Variants in KRABD5 observed in about 807,000 individuals in gnomAD.
KRABD5 encodes the protein KRAB domain-containing protein 5.
the KRABD5 span, among the ~76,000 whole-genome samples, chr16:31,716,500 C>T: frequency 1.3e-5 from 2 of 152,156 alleles, no homozygotes; most frequent in Admixed American, 6.5e-5. Context: ...TCAGCCTCCC[C>T]AATCACTGGG....
chr16:31,729,430 G>A, the KRABD5 span, among the ~76,000 whole-genome samples: 1 of 152,298 alleles, frequency 6.6e-6, no homozygotes, highest in East Asian at 1.9e-4. Flanking sequence ...GCACGAGGGG[G>A]AGAGAGCTCC....
the KRABD5 span, chr16:31,760,520 A>G: frequency 7.7e-6 from 1 of 130,412 alleles, no homozygotes; most frequent in Non-Finnish European, 1.6e-5. Context: ...GGTGAGACCC[A>G]CTGTTTCAGG....
the KRABD5 span, chr16:31,756,878 C>G: frequency 6.6e-6 from 1 of 152,100 alleles, no homozygotes; most frequent in South Asian, 2.1e-4. Flanking sequence ...GTGTGTGTAC[C>G]TGTCTTCAAA....
the KRABD5 span, among the ~76,000 whole-genome samples, chr16:31,713,771 C>T: frequency 6.6e-6 from 1 of 152,118 alleles, no homozygotes; most frequent in Non-Finnish European, 1.5e-5. Flanking sequence ...GATACTGTGC[C>T]CCGTGGTGTC....
At chr16:31,746,795 T>C in the KRABD5 span, among the ~76,000 whole-genome samples, 103 of 152,278 alleles carry the variant, frequency 6.8e-4, no homozygotes, top group Non-Finnish European at 1.2e-3. Context: ...ACGTATTTCT[T>C]GGAGGCTTTG....
chr16:31,746,924 G>A, the KRABD5 span, among the ~76,000 whole-genome samples: 91,917 of 151,480 alleles, frequency 0.61, 28,908 homozygotes, highest in Middle Eastern at 0.73. Flanking sequence ...TGATACTTGT[G>A]TGTGCTTCAT....
the KRABD5 span, among the ~76,000 whole-genome samples, chr16:31,750,081 C>T: frequency 3.9e-5 from 6 of 152,040 alleles, no homozygotes; most frequent in Non-Finnish European, 5.9e-5. Context: ...TGAAAAATGA[C>T]GTTGGTAGTT....
the KRABD5 span, among the ~76,000 whole-genome samples, chr16:31,729,692 C>G: frequency 6.6e-6 from 1 of 151,960 alleles, no homozygotes; most frequent in Non-Finnish European, 1.5e-5. Flanking sequence ...AGTTTGTTTT[C>G]TATTTTATAC....
the KRABD5 span, chr16:31,723,179 C>A: frequency 7.0e-7 from 1 of 1,432,928 alleles, no homozygotes; most frequent in Non-Finnish European, 9.5e-7. Flanking sequence ...TATAATGTTC[C>A]CTCTTTACTG....
At chr16:31,757,680 T>C in the KRABD5 span, 22 of 152,292 alleles carry the variant, frequency 1.4e-4, no homozygotes, top group Non-Finnish European at 1.0e-4. Flanking sequence ...TTATATAATA[T>C]ATGGAGGCTG....
At chr16:31,758,446 A>T in the KRABD5 span, 1 of 152,108 alleles carries the variant, frequency 6.6e-6, no homozygotes, top group African/African-American at 2.4e-5. Context: ...TTCCCCGAGG[A>T]ATTCAAAAAT....
At chr16:31,738,562 A>G in the KRABD5 span, among the ~76,000 whole-genome samples, 11 of 151,992 alleles carry the variant, frequency 7.2e-5, no homozygotes, top group East Asian at 1.9e-4. Context: ...TTCAGCTCAT[A>G]TGTGTTCTTA....
chr16:31,725,573 A>G, the KRABD5 span, among the ~76,000 whole-genome samples: 2,305 of 152,198 alleles, frequency 0.015, 71 homozygotes, highest in African/African-American at 0.053. Flanking sequence ...TTTTCTCCAC[A>G]CTGTCACCAA....
chr16:31,721,191 A>G, the KRABD5 span, among the ~76,000 whole-genome samples: 4 of 152,188 alleles, frequency 2.6e-5, no homozygotes, highest in Non-Finnish European at 5.9e-5. Context: ...AGAAAAAGCC[A>G]TCATCCATAT....
At chr16:31,761,488 C>A in the KRABD5 span, 1 of 152,120 alleles carries the variant, frequency 6.6e-6, no homozygotes, top group African/African-American at 2.4e-5. Flanking sequence ...TTTTCGTATT[C>A]TATTGGGCTG....
the KRABD5 span, chr16:31,714,429 A>T: frequency 2.2e-6 from 1 of 456,232 alleles, no homozygotes; most frequent in Non-Finnish European, 4.4e-6. Context: ...TAGGATTGGC[A>T]GCACTCCCCA....
chr16:31,757,456 A>T, the KRABD5 span: 6 of 152,120 alleles, frequency 3.9e-5, no homozygotes, highest in Non-Finnish European at 8.8e-5. Flanking sequence ...ACAGAGTGAG[A>T]CTCTGTCTAT....
the KRABD5 span, among the ~76,000 whole-genome samples, chr16:31,737,064 A>C: frequency 2.6e-5 from 4 of 152,216 alleles, no homozygotes. Context: ...TATGTATCTC[A>C]ACACAGTAAA....
At chr16:31,747,569 A>T in the KRABD5 span, among the ~76,000 whole-genome samples, 1 of 152,162 alleles carries the variant, frequency 6.6e-6, no homozygotes, top group Admixed American at 6.5e-5. Flanking sequence ...CGCCACACCG[A>T]CTTCCACAAT....
Sources: allele counts gnomAD v4.1 joint callset (sites outside exome capture counted in the v4.1 genomes callset), GRCh38; gene constraint gnomAD v4.1.1; transcripts MANE v1.5; gene names NCBI Gene and HGNC (gene_info 2026-07-23, HGNC 2026-07-21).